POU6F2: variants seen among roughly 807,000 people sequenced by gnomAD.
POU6F2 encodes POU class 6 homeobox 2, also known as POU domain, class 6, transcription factor 2.
POU6F2 carries 31 observed loss-of-function variants against 71.3 expected under a neutral mutation model. The observed-to-expected ratio is 0.43, with a 90% CI of 0.33 to 0.59. The LOEUF (loss-of-function observed/expected upper bound fraction) is 0.59, where lower values mean the gene tolerates loss of function less well. POU6F2 is among the 20% of genes least tolerant of loss of function. POU6F2 has a pLI of 0.04. For synonymous variants in POU6F2, 347 were observed against 355.7 expected, an observed-to-expected ratio of 0.98 and a Z score of 0.27; for missense variants, 783 against 856.8, an observed-to-expected ratio of 0.91 and a Z score of 1.07.
intron 1 of POU6F2, among the ~76,000 whole-genome samples, chr7:39,000,565 A>ACC (rs369040178): frequency 1.1e-5 from 1 of 88,492 alleles, no homozygotes. Flanking sequence ...ACACACACAC[A>ACC]CCCTCCCAAC....
intron 5 of POU6F2, among the ~76,000 whole-genome samples, chr7:39,343,623 T>TA (rs999731557): frequency 6.6e-6 from 1 of 152,114 alleles, no homozygotes; most frequent in African/African-American, 2.4e-5. Context: ...GGTCTGGAGA[T>TA]ATGCTGGGCA....
At chr7:39,121,196 A>G (rs577163195) in intron 2 of POU6F2, among the ~76,000 whole-genome samples, 1 of 152,364 alleles carries the variant, frequency 6.6e-6, no homozygotes, top group Admixed American at 6.5e-5. Flanking sequence ...TCTTAGTTGC[A>G]ACAGTTACAA....
rs572515058 is a variant in POU6F2, at chr7:38,989,086, G to A, written c.105+11028G>A. On this transcript the variant is annotated intron_variant, in intron 1 of 9. Coordinates refer to ENST00000518318, the MANE Select transcript of POU6F2 (RefSeq NM_001370959.1). Reference sequence around the variant, plus strand: ...GAGTGGAAGGGTGGAGGAGCAAATCGGTGCTCTTTGATAGCTTTCGTCAAA... The same window carrying A: ...GAGTGGAAGGGTGGAGGAGCAAATCAGTGCTCTTTGATAGCTTTCGTCAAA... Among the ~76,000 whole-genome samples, 16 of 152,114 alleles carry A rather than the reference G, an allele frequency of 1.1e-4. No homozygotes were observed. In the East Asian group the frequency reaches 2.7e-3, roughly 26 times the overall value.
intron 4 of POU6F2, among the ~76,000 whole-genome samples, chr7:39,321,001 A>G (rs541582532): frequency 1.3e-5 from 2 of 152,360 alleles, no homozygotes; most frequent in East Asian, 3.9e-4. Context: ...GGCTGCAGTG[A>G]GCCATGATCA....
intron 1 of POU6F2, among the ~76,000 whole-genome samples, chr7:39,025,335 C>A (rs1789775538): frequency 6.6e-6 from 1 of 152,140 alleles, no homozygotes; most frequent in Non-Finnish European, 1.5e-5. Context: ...ATCACGCTAC[C>A]TGACTTCAGA....
At chr7:39,165,761 C>T (rs1330174652) in intron 2 of POU6F2, among the ~76,000 whole-genome samples, 2 of 152,208 alleles carry the variant, frequency 1.3e-5, no homozygotes, top group East Asian at 1.9e-4. Flanking sequence ...AGGGGGGAAA[C>T]AGGAGAGTTT....
intron 2 of POU6F2, among the ~76,000 whole-genome samples, chr7:39,150,035 G>A (rs894255027): frequency 1.3e-5 from 2 of 151,928 alleles, no homozygotes; most frequent in Non-Finnish European, 2.9e-5. Context: ...ACAGGGGCCC[G>A]CAACCACGCC....
intron 2 of POU6F2, among the ~76,000 whole-genome samples, chr7:39,202,555 C>T (rs1793926058): frequency 6.6e-6 from 1 of 152,170 alleles, no homozygotes; most frequent in Non-Finnish European, 1.5e-5. Context: ...CTTTGAAGTA[C>T]ATAAATTTCT....
intron 4 of POU6F2, among the ~76,000 whole-genome samples, chr7:39,208,736 A>G (rs1794075073): frequency 1.3e-5 from 2 of 152,192 alleles, no homozygotes. Context: ...TAAATCATGC[A>G]TGCCCAGGAT....
At chr7:38,993,647 C>T (rs1001324130) in intron 1 of POU6F2, among the ~76,000 whole-genome samples, 4 of 137,008 alleles carry the variant, frequency 2.9e-5, no homozygotes, top group African/African-American at 1.1e-4. Context: ...CACACACACA[C>T]ATCAGTGGTT....
intron 2 of POU6F2, among the ~76,000 whole-genome samples, chr7:39,200,157 C>T (rs1476700629): frequency 6.6e-6 from 1 of 152,206 alleles, no homozygotes; most frequent in Non-Finnish European, 1.5e-5. Context: ...ATCTGCCATT[C>T]AGAAAACGGA....
At chr7:39,381,857 T>A (rs1231300689) in intron 5 of POU6F2, among the ~76,000 whole-genome samples, 1 of 152,200 alleles carries the variant, frequency 6.6e-6, no homozygotes, top group Non-Finnish European at 1.5e-5. Flanking sequence ...AGTAAAGTTA[T>A]ACAAGCTCTT....
intron 3 of POU6F2, among the ~76,000 whole-genome samples, chr7:39,206,726 A>G (rs184845357): frequency 4.0e-4 from 61 of 152,308 alleles, no homozygotes; most frequent in Admixed American, 1.6e-3. Flanking sequence ...TTCAATATTT[A>G]TGTATTTTGA....
intron 2 of POU6F2, among the ~76,000 whole-genome samples, chr7:39,147,840 C>T (rs1369165058): frequency 6.6e-6 from 1 of 152,180 alleles, no homozygotes; most frequent in African/African-American, 2.4e-5. Flanking sequence ...GGAGACCTCC[C>T]TGCTGCAGGA....
intron 2 of POU6F2, among the ~76,000 whole-genome samples, chr7:39,101,362 G>A (rs193027624): frequency 2.9e-4 from 44 of 151,944 alleles, no homozygotes; most frequent in African/African-American, 8.7e-4. Context: ...AGCGTGAGCC[G>A]CCATGCCAGG....
intron 7 of POU6F2, among the ~76,000 whole-genome samples, chr7:39,436,293 T>C (rs1257093508): frequency 6.6e-6 from 1 of 152,166 alleles, no homozygotes; most frequent in Non-Finnish European, 1.5e-5. Context: ...TCCTCTCTTA[T>C]TTCATTGAGC....
At position 39,155,417 on chromosome 7, in the gene POU6F2, A is replaced by G. The variant is rs1025492169; in HGVS notation, c.278-48818A>G. ...ATGCCTTGCTTTCCAAACTTGTGTG[A>G]AAATTGTGAAAAGTGGTTTTATTTT... On this transcript the variant is annotated intron_variant, in intron 2 of 9. Coordinates refer to ENST00000518318, the MANE Select transcript of POU6F2 (RefSeq NM_001370959.1). Among the ~76,000 whole-genome samples, 5 of 152,272 alleles carry G rather than the reference A, an allele frequency of 3.3e-5. No homozygotes were observed. In the South Asian group the frequency reaches 6.2e-4, roughly 19 times the overall value.
intron 7 of POU6F2, among the ~76,000 whole-genome samples, chr7:39,441,049 G>GA (rs1450894061): frequency 2.6e-5 from 4 of 151,968 alleles, no homozygotes; most frequent in Non-Finnish European, 5.9e-5. Context: ...CTGGAGAACA[G>GA]AAAAAATGGG....
chr7:39,145,852 C>T (rs1184302782), intron 2 of POU6F2, among the ~76,000 whole-genome samples: 3 of 152,188 alleles, frequency 2.0e-5, no homozygotes, highest in African/African-American at 4.8e-5. Context: ...ATTTGCTTTT[C>T]TCATCCTGGA....
Sources: allele counts gnomAD v4.1 joint callset (sites outside exome capture counted in the v4.1 genomes callset), GRCh38; gene constraint gnomAD v4.1.1; transcripts MANE v1.5; gene names NCBI Gene and HGNC (gene_info 2026-07-23, HGNC 2026-07-21).